PKNOX2: variants seen among roughly 807,000 people sequenced by gnomAD.
PKNOX2 encodes the protein homeobox protein PKNOX2.
A neutral mutation model predicts 53.1 loss-of-function variants in PKNOX2; 14 were observed. The ratio of observed to expected loss-of-function variants is 0.26; its 90% confidence interval spans 0.17 to 0.41. The LOEUF (loss-of-function observed/expected upper bound fraction) is 0.41, where lower values mean the gene tolerates loss of function less well. Among genes scored for constraint, PKNOX2 ranks in the 10% least tolerant of loss-of-function variants. The probability of loss-of-function intolerance (pLI) is 1.00; values close to 1 mark genes in which losing one functional copy is unlikely to be tolerated. For synonymous variants in PKNOX2, 257 were observed against 242.8 expected, an observed-to-expected ratio of 1.06 and a Z score of -0.54; for missense variants, 496 against 602.8, an observed-to-expected ratio of 0.82 and a Z score of 1.85.
intron 1 of PKNOX2, among the ~76,000 whole-genome samples, chr11:125,218,292 C>A (rs566142666): frequency 6.6e-6 from 1 of 151,672 alleles, no homozygotes; most frequent in Non-Finnish European, 1.5e-5. Context: ...TTGTCCCTGC[C>A]GTCAAGGAAC....
chr11:125,407,751 C>CAA (rs924653642), intron 7 of PKNOX2, among the ~76,000 whole-genome samples: 11 of 104,984 alleles, frequency 1.0e-4, no homozygotes, highest in African/African-American at 3.2e-4. Context: ...AAAAAACAAA[C>CAA]AAAAAAAAAA....
intron 10 of PKNOX2, among the ~76,000 whole-genome samples, chr11:125,426,971 G>A (rs186778866): frequency 2.6e-5 from 4 of 152,350 alleles, no homozygotes; most frequent in Admixed American, 6.5e-5. Context: ...AGGAGGAAGC[G>A]CGCTCCAGAG....
At chr11:125,298,557 C>G (rs1947812044) in intron 2 of PKNOX2, among the ~76,000 whole-genome samples, 1 of 152,184 alleles carries the variant, frequency 6.6e-6, no homozygotes, top group African/African-American at 2.4e-5. Context: ...CCTCAGCTCC[C>G]CAGGAGCATT....
intron 1 of PKNOX2, among the ~76,000 whole-genome samples, chr11:125,181,502 A>G (rs1005210944): frequency 9.9e-5 from 15 of 152,158 alleles, no homozygotes; most frequent in African/African-American, 3.1e-4. Context: ...GGAGTGTCCA[A>G]TGAGGGACTT....
intron 11 of PKNOX2, among the ~76,000 whole-genome samples, chr11:125,429,757 A>T (rs532724768): frequency 6.6e-6 from 1 of 152,142 alleles, no homozygotes; most frequent in Non-Finnish European, 1.5e-5. Flanking sequence ...CATTCTTCCC[A>T]TATGACTTTG....
intron 4 of PKNOX2, among the ~76,000 whole-genome samples, chr11:125,365,524 T>C (rs1478434510): frequency 6.6e-6 from 1 of 152,252 alleles, no homozygotes; most frequent in Non-Finnish European, 1.5e-5. Context: ...AATAATCTTA[T>C]CAGATTTAGC....
chr11:125,270,390 C>T (rs1945699608), intron 2 of PKNOX2, among the ~76,000 whole-genome samples: 1 of 152,200 alleles, frequency 6.6e-6, no homozygotes, highest in African/African-American at 2.4e-5. Flanking sequence ...GATCCTGCCT[C>T]TATGTGTCAT....
chr11:125,167,662 A>G (rs1224454190), intron 1 of PKNOX2, among the ~76,000 whole-genome samples: 1 of 152,216 alleles, frequency 6.6e-6, no homozygotes, highest in Non-Finnish European at 1.5e-5. Context: ...TGGCTGTTTT[A>G]TGATCCTCTC....
chr11:125,263,502 G>A (rs879573997), intron 2 of PKNOX2, among the ~76,000 whole-genome samples: 17 of 152,258 alleles, frequency 1.1e-4, no homozygotes, highest in Non-Finnish European at 1.3e-4. Context: ...CCTCTCCGGG[G>A]TCAGCACTGT....
At chr11:125,175,933 A>G (rs1248981450) in intron 1 of PKNOX2, among the ~76,000 whole-genome samples, 1 of 152,234 alleles carries the variant, frequency 6.6e-6, no homozygotes, top group Non-Finnish European at 1.5e-5. Flanking sequence ...ATTGGTTGGC[A>G]CAGACTATAT....
In PKNOX2 at chr11:125,267,931, C is replaced by T. The variant is rs111820569; in HGVS notation, c.-130+32816C>T. Among the ~76,000 whole-genome samples the T allele has an allele frequency of 2.4e-3, 371 of 152,246 alleles. 2 individuals are homozygous for T. The highest frequency in any genetic ancestry group is 7.6e-3 in the African/African-American group (317 of 41,508). ...AGGTGTTTTGTGCAGGAATTTGTGG[C>T]AAGTGATGGGAGGATGGTAGGGTGT... On this transcript the variant is annotated intron_variant, in intron 2 of 12. Coordinates refer to ENST00000298282, the MANE Select transcript of PKNOX2 (RefSeq NM_001382323.2).
chr11:125,403,959 G>A (rs145068922), intron 7 of PKNOX2, among the ~76,000 whole-genome samples: 1 of 152,308 alleles, frequency 6.6e-6, no homozygotes, highest in Non-Finnish European at 1.5e-5. Context: ...TGAGAAGGGT[G>A]GCACTTGCCT....
intron 2 of PKNOX2, among the ~76,000 whole-genome samples, chr11:125,279,167 G>A (rs1049454426): frequency 9.2e-5 from 14 of 152,306 alleles, no homozygotes; most frequent in African/African-American, 3.1e-4. Flanking sequence ...CATCTCCTCT[G>A]TGCTTGTGGG....
At chr11:125,269,003 C>G (rs901678840) in intron 2 of PKNOX2, among the ~76,000 whole-genome samples, 1 of 152,088 alleles carries the variant, frequency 6.6e-6, no homozygotes, top group South Asian at 2.1e-4. Context: ...TTCTCATGCC[C>G]CTTTTTACCT....
rs562851067 is a variant in PKNOX2, at chr11:125,398,298, G to A, written c.588+236G>A. The stretch of plus-strand genomic sequence containing the variant: ...GTATTCCCTTGAAAATGACCAGATC[G>A]GAGAGGGACAATGTCCAAAATCATT... On this transcript the variant is annotated intron_variant, in intron 7 of 12. Coordinates refer to ENST00000298282, the MANE Select transcript of PKNOX2 (RefSeq NM_001382323.2). 9.8e-5 allele frequency among the ~76,000 whole-genome samples: 15 copies of A among 152,298 alleles called. No individual in the cohort carries two copies. The South Asian group carries it at 1.5e-3, about 15-fold the overall frequency.
At position 125,433,179 on chromosome 11, in the gene PKNOX2, AAC is replaced by A. The variant is rs1318105824; in HGVS notation, c.*1790_*1791del. On this transcript the variant is annotated 3_prime_UTR_variant, in exon 13 of 13. Coordinates refer to ENST00000298282, the MANE Select transcript of PKNOX2 (RefSeq NM_001382323.2). ...CCTTTTCTGGTTCGTTTTTCTTGTT[AAC>A]ACGCGCACACAGACACACACACACA... The A allele has an allele frequency of 2.6e-5, 4 of 152,526 alleles. No homozygotes were observed. The highest frequency in any genetic ancestry group is 9.7e-5 in the African/African-American group (4 of 41,384). The allele number at this position is 152,526 out of a possible 1,614,324, so 9.4% of individuals were successfully genotyped here.
In PKNOX2 at chr11:125,355,518, A is replaced by G. The variant is rs903604428; in HGVS notation, c.87+4126A>G. Among the ~76,000 whole-genome samples, 6 of 152,246 alleles carry G rather than the reference A, an allele frequency of 3.9e-5. No individual in the cohort carries two copies. In the South Asian group the frequency reaches 1.0e-3, roughly 26 times the overall value. ...GTCACTGGGGTAGTGGAATTCTACA[A>G]TGATTGCCTAATGACCACACTGTCT... On this transcript the variant is annotated intron_variant, in intron 4 of 12. Transcript: ENST00000298282.
At chr11:125,210,968 A>G (rs112286213) in intron 1 of PKNOX2, among the ~76,000 whole-genome samples, 2,741 of 152,270 alleles carry the variant, frequency 0.018, 85 homozygotes, top group African/African-American at 0.062. Flanking sequence ...GTCCTTATCC[A>G]TAACATGTGA....
At chr11:125,431,017 C>T in intron 12 of PKNOX2, 149 bp from the exon 13 acceptor site, 1 of 1,410,802 alleles carries the variant, frequency 7.1e-7, no homozygotes, top group Non-Finnish European at 9.3e-7. Context: ...AGACTTCATA[C>T]CAGGGCATTG....
Sources: allele counts gnomAD v4.1 joint callset (sites outside exome capture counted in the v4.1 genomes callset), GRCh38; gene constraint gnomAD v4.1.1; transcripts MANE v1.5; gene names NCBI Gene and HGNC (gene_info 2026-07-23, HGNC 2026-07-21).